Variants in STARD13 observed in about 807,000 individuals in gnomAD.
STARD13 encodes StAR related lipid transfer domain containing 13, also known as stAR-related lipid transfer protein 13.
In STARD13, 62 loss-of-function variants were observed where a neutral mutation model predicts 106.4. The ratio of observed to expected loss-of-function variants is 0.58; its 90% CI spans 0.48 to 0.72. The LOEUF is 0.72. Ranked by LOEUF, STARD13 falls within the 30% of genes least tolerant of loss-of-function variation. STARD13 has a pLI of 0.00. For synonymous variants in STARD13, 565 were observed against 553.0 expected (o/e 1.02, Z -0.31); for missense variants, 1,387 against 1,424.0 (o/e 0.97, Z 0.42).
chr13:33,147,009 T>C (rs545073786), intron 3 of STARD13, among the ~76,000 whole-genome samples: 3 of 152,224 alleles, frequency 2.0e-5, no homozygotes, highest in Non-Finnish European at 4.4e-5. Flanking sequence ...CTGAGCTGTC[T>C]GGGAATTCCC....
intron 1 of STARD13, among the ~76,000 whole-genome samples, chr13:33,337,690 C>A (rs1324526704): frequency 6.6e-6 from 1 of 152,110 alleles, no homozygotes; most frequent in Non-Finnish European, 1.5e-5. Context: ...TTTCCAAGGT[C>A]CTTTCAGTGA....
At chr13:33,271,024 T>G (rs1891134374) in intron 1 of STARD13, among the ~76,000 whole-genome samples, 1 of 151,938 alleles carries the variant, frequency 6.6e-6, no homozygotes, top group African/African-American at 2.4e-5. Context: ...AGGGAGGAGG[T>G]CTGTTTATTA....
At chr13:33,316,269 C>CA (rs1412644393) in intron 1 of STARD13, among the ~76,000 whole-genome samples, 2 of 152,102 alleles carry the variant, frequency 1.3e-5, no homozygotes, top group African/African-American at 2.4e-5. Flanking sequence ...TCTTCTTTAC[C>CA]AAAAAAACTT....
At chr13:33,550,160 G>T in the STARD13 span, among the ~76,000 whole-genome samples, 10 of 152,114 alleles carry the variant, frequency 6.6e-5, no homozygotes, top group Non-Finnish European at 1.3e-4. Flanking sequence ...CCAAAATCTT[G>T]CAGTCGTTAA....
chr13:33,646,139 A>G, the STARD13 span, among the ~76,000 whole-genome samples: 1 of 152,196 alleles, frequency 6.6e-6, no homozygotes, highest in Non-Finnish European at 1.5e-5. Flanking sequence ...ATACTCAGAG[A>G]GCATGTCCCA....
At chr13:33,309,988 G>A (rs1001388953) in intron 1 of STARD13, among the ~76,000 whole-genome samples, 1 of 152,106 alleles carries the variant, frequency 6.6e-6, no homozygotes, top group Admixed American at 6.6e-5. Context: ...TTTATGTAGG[G>A]TCTATTGACA....
chr13:33,503,730 C>T, the STARD13 span, among the ~76,000 whole-genome samples: 1 of 152,056 alleles, frequency 6.6e-6, no homozygotes, highest in African/African-American at 2.4e-5. Context: ...AATTTGATTG[C>T]CCTGTGGTCT....
intron 8 of STARD13, among the ~76,000 whole-genome samples, chr13:33,114,287 G>A (rs1875047598): frequency 6.6e-6 from 1 of 152,196 alleles, no homozygotes; most frequent in Non-Finnish European, 1.5e-5. Context: ...GCTGGCCCCA[G>A]GCTTTGTGGT....
chr13:33,333,573 C>T (rs1318995579), intron 1 of STARD13: 3 of 152,044 alleles, frequency 2.0e-5, no homozygotes, highest in African/African-American at 7.3e-5. Flanking sequence ...ACAGGTGCAC[C>T]AAACACCTGA....
At chr13:33,174,340 C>T (rs780695197) in intron 1 of STARD13, among the ~76,000 whole-genome samples, 20 of 152,032 alleles carry the variant, frequency 1.3e-4, no homozygotes, top group Middle Eastern at 6.8e-3. Flanking sequence ...CCCACAGTGA[C>T]GCCCTGCCCT....
the STARD13 span, among the ~76,000 whole-genome samples, chr13:33,392,455 A>G: frequency 6.6e-6 from 1 of 152,122 alleles, no homozygotes; most frequent in East Asian, 1.9e-4. Flanking sequence ...GCTGGAGTGC[A>G]GTGGCGCTAT....
intron 1 of STARD13, among the ~76,000 whole-genome samples, chr13:33,307,272 G>A (rs1892945858): frequency 1.3e-5 from 2 of 152,158 alleles, no homozygotes; most frequent in African/African-American, 2.4e-5. Flanking sequence ...CCTAAAAGCA[G>A]AACTACCATT....
the STARD13 span, among the ~76,000 whole-genome samples, chr13:33,542,100 CG>C: frequency 1.3e-5 from 2 of 152,156 alleles, no homozygotes; most frequent in Non-Finnish European, 2.9e-5. Flanking sequence ...TTAAAAAACA[CG>C]AAGACATGCT....
intron 1 of STARD13, among the ~76,000 whole-genome samples, chr13:33,171,867 A>C (rs920849357): frequency 1.2e-4 from 18 of 152,286 alleles, no homozygotes; most frequent in Middle Eastern, 3.4e-3. Flanking sequence ...TGCCTTACAC[A>C]TGCTTTGAGC....
At chr13:33,663,755 C>T in the STARD13 span, among the ~76,000 whole-genome samples, 1 of 152,156 alleles carries the variant, frequency 6.6e-6, no homozygotes, top group African/African-American at 2.4e-5. Flanking sequence ...GACAGCAGAG[C>T]AGGAGGGAGC....
chr13:33,330,766 T>G (rs968093863), intron 1 of STARD13, among the ~76,000 whole-genome samples: 3 of 152,074 alleles, frequency 2.0e-5, no homozygotes, highest in Non-Finnish European at 2.9e-5. Context: ...AACTTGCAAA[T>G]CCAAGTAAGG....
At chr13:33,373,078 A>G in the STARD13 span, among the ~76,000 whole-genome samples, 1 of 152,156 alleles carries the variant, frequency 6.6e-6, no homozygotes, top group African/African-American at 2.4e-5. Flanking sequence ...CAAAACAGGA[A>G]TTTAAATGTT....
At chr13:33,157,724 A>G (rs1882156625) in intron 3 of STARD13, among the ~76,000 whole-genome samples, 1 of 152,230 alleles carries the variant, frequency 6.6e-6, no homozygotes, top group African/African-American at 2.4e-5. Flanking sequence ...TCGGGGCTGT[A>G]TGTCAGCAGC....
At chr13:33,497,525 C>G in the STARD13 span, among the ~76,000 whole-genome samples, 71 of 152,256 alleles carry the variant, frequency 4.7e-4, 1 homozygote, top group African/African-American at 1.7e-3. Flanking sequence ...TAAATCACAG[C>G]TAAATCACGC....
Sources: gnomAD v4.1 joint callset for allele counts (sites outside exome capture counted in the v4.1 genomes callset) on GRCh38, gnomAD v4.1.1 for gene constraint, MANE v1.5 for transcripts, NCBI Gene and HGNC (gene_info 2026-07-23, HGNC 2026-07-21) for gene names.